The following OGFOD2 variants were observed in gnomAD, a reference collection of about 807,000 sequenced individuals.
The protein encoded by OGFOD2 is 2-oxoglutarate and iron-dependent oxygenase domain-containing protein 2.
Under a neutral mutation model 31.1 loss-of-function variants are expected in OGFOD2, and 34 were observed. The observed-to-expected ratio is 1.09, with a 90% CI of 0.83 to 1.45. The LOEUF is 1.45. Among genes scored for constraint, OGFOD2 ranks in the 40% most tolerant of loss-of-function variants. OGFOD2 has a pLI of 0.00. For synonymous variants in OGFOD2, 240 were observed against 192.3 expected, an observed-to-expected ratio of 1.25 and a Z score of -2.05; for missense variants, 537 against 433.9, an observed-to-expected ratio of 1.24 and a Z score of -2.11.
chr12:122,975,800 T>A lies in OGFOD2; in HGVS notation c.133-11T>A. On this transcript the variant is annotated splice_polypyrimidine_tract_variant and intron_variant, in intron 1 of 6. Transcript: ENST00000228922. Reference sequence around the variant, plus strand: ...TCATACAGTCATGCTCAGTGTTCTTTCTGCTCCCAGATCCTGCGCAGCCGA... The same window carrying A: ...TCATACAGTCATGCTCAGTGTTCTTACTGCTCCCAGATCCTGCGCAGCCGA... 1 of 702,882 alleles carries A rather than the reference T, an allele frequency of 1.4e-6. No homozygotes were observed. Among genetic ancestry groups the A allele is most frequent in the Non-Finnish European group, 2.6e-6 (1 of 384,890 alleles). 43.5% of individuals were successfully genotyped at this position (702,882 alleles called of 1,614,324 possible).
chr12:122,975,818 G>A (rs1055959225), exon 2 of OGFOD2: 2 of 702,914 alleles, frequency 2.8e-6, no homozygotes. Flanking sequence ...CAGATCCTGC[G>A]CAGCCGAGGC....
Position 122,979,313 on chromosome 12 carries a change from GC to G in OGFOD2, c.1023del (p.Ala342ProfsTer133). 6.2e-7 allele frequency: 1 copy of G among 1,612,076 alleles called. No individual in the cohort carries two copies. Among genetic ancestry groups the G allele is most frequent in the Non-Finnish European group, 8.5e-7 (1 of 1,179,746 alleles). On this transcript the variant is annotated frameshift_variant, in exon 7 of 7. Coordinates refer to ENST00000228922, the Ensembl canonical transcript of OGFOD2. LOFTEE classifies it high-confidence loss of function. ...TCGGTGATGGCTTCACCCGAGAGGA[GC>G]CCGCCACGGTGGATGTATGTGCGCT...
chr12:122,977,133 C>T (rs865859695), intron 4 of OGFOD2, 163 bp downstream of exon 4: 9 of 695,988 alleles, frequency 1.3e-5, no homozygotes, highest in South Asian at 3.0e-5. Context: ...GCAGGACATC[C>T]GCATTCATTC....
At chr12:122,975,492 C>T (rs2037389051) in intron 1 of OGFOD2, 109 bp downstream of exon 1, 3 of 595,258 alleles carry the variant, frequency 5.0e-6, no homozygotes, top group South Asian at 1.9e-5. Flanking sequence ...ACCGTATCTT[C>T]AAATACAAGA....
chr12:122,978,544 G>A (rs755848904), exon 5 of OGFOD2: 4 of 1,613,298 alleles, frequency 2.5e-6, no homozygotes, highest in Non-Finnish European at 3.4e-6. Flanking sequence ...CCTAAGGGGA[G>A]GCCCAACACC....
At chr12:122,977,715 G>A (rs73408899) in intron 4 of OGFOD2, 6,379 of 154,682 alleles carry the variant, frequency 0.041, 448 homozygotes, top group African/African-American at 0.14. Context: ...TCCTGTGGGA[G>A]GCAGATACAA....
At chr12:122,976,456 G>A in intron 2 of OGFOD2, 198 bp from the exon 3 acceptor site, 1 of 1,586,092 alleles carries the variant, frequency 6.3e-7, no homozygotes, top group Non-Finnish European at 8.7e-7. Context: ...GCCTGAAACA[G>A]GATGGGTCCC....
intron 4 of OGFOD2, chr12:122,977,407 T>C: frequency 4.3e-6 from 1 of 231,878 alleles, no homozygotes; most frequent in South Asian, 5.0e-5. Context: ...GGCGGAGGCC[T>C]GCGGCCATGC....
chr12:122,978,995 TGGG>T (rs2037530195), exon 6 of OGFOD2: 3 of 1,612,828 alleles, frequency 1.9e-6, no homozygotes, highest in Middle Eastern at 1.6e-4. Flanking sequence ...CCCTGTATTT[TGGG>T]GGCCTCTTCC....
At chr12:122,977,107 G>A in intron 4 of OGFOD2, 137 bp downstream of exon 4, 1 of 757,386 alleles carries the variant, frequency 1.3e-6, no homozygotes, top group Non-Finnish European at 2.3e-6. Flanking sequence ...GGGTCAGTGG[G>A]ACCAACCTGC....
intron 4 of OGFOD2, 98 bp from the exon 5 acceptor site, chr12:122,978,344 C>T (rs1421858306): frequency 1.3e-6 from 2 of 1,487,710 alleles, no homozygotes; most frequent in East Asian, 4.7e-5. Context: ...GCAAAGGCCT[C>T]ATCTCCATGG....
rs1244954159 is a variant in OGFOD2, at chr12:122,978,761, G to A, written c.540G>A (p.Leu180=). ...CAGGAATCCCCTCCCAGGTGCTGCT[G>A]CACGAGCTCGGGCTGGACGAGCCGC... The change falls in exon 6 of 7, where the codon CTG becomes CTA. Residue 180 remains leucine (L), a synonymous_variant. Coordinates refer to ENST00000228922, the Ensembl canonical transcript of OGFOD2. The A allele has an allele frequency of 2.5e-6, 4 of 1,607,936 alleles. No homozygotes were observed. The highest frequency in any genetic ancestry group is 1.7e-5 in the Admixed American group (1 of 59,902).
At chr12:122,975,484 C>T in intron 1 of OGFOD2, 101 bp downstream of exon 1, 1 of 596,072 alleles carries the variant, frequency 1.7e-6, no homozygotes, top group Non-Finnish European at 3.0e-6. Context: ...CGCCGCGCAC[C>T]GTATCTTCAA....
intron 4 of OGFOD2, 158 bp from the exon 5 acceptor site, chr12:122,978,284 T>C (rs2135956515): frequency 1.2e-6 from 1 of 855,096 alleles, no homozygotes; most frequent in South Asian, 1.8e-5. Context: ...GGAATCGGCC[T>C]CCCCTGCTCC....
At chr12:122,975,690 C>A in intron 1 of OGFOD2, 121 bp from the exon 2 acceptor site, 1 of 657,390 alleles carries the variant, frequency 1.5e-6, no homozygotes, top group Non-Finnish European at 2.8e-6. Flanking sequence ...AGTTCATTCT[C>A]TCCATGATCC....
chr12:122,976,905 C>T (rs765457509), exon 4 of OGFOD2: 1 of 1,611,308 alleles, frequency 6.2e-7, no homozygotes, highest in Non-Finnish European at 8.5e-7. Flanking sequence ...CTGGCCGTGA[C>T]TGAGTACAGC....
At chr12:122,979,348 C>A in exon 7 of OGFOD2, 1 of 1,594,872 alleles carries the variant, frequency 6.3e-7, no homozygotes, top group South Asian at 1.1e-5. Flanking sequence ...CTCACCTGAG[C>A]TTGCTTGGGC....
intron 4 of OGFOD2, chr12:122,977,518 T>G (rs1255758278): frequency 5.0e-6 from 1 of 200,448 alleles, no homozygotes; most frequent in East Asian, 1.3e-4. Flanking sequence ...CAAGGGAGGT[T>G]TGCGTGTTGT....
intron 4 of OGFOD2, 36 bp downstream of exon 4, chr12:122,977,006 G>T: frequency 6.3e-7 from 1 of 1,589,986 alleles, no homozygotes; most frequent in South Asian, 1.1e-5. Context: ...CAGGACCAGG[G>T]AATGGCAGCC....
Sources: gnomAD v4.1 joint callset for allele counts on GRCh38, gnomAD v4.1.1 for gene constraint, MANE v1.5 for transcripts, NCBI Gene and HGNC (gene_info 2026-07-23, HGNC 2026-07-21) for gene names.